The following RFX7 variants were observed in gnomAD, a reference collection of about 807,000 sequenced individuals.
RFX7 encodes DNA-binding protein RFX7.
RFX7 carries 26 observed loss-of-function variants against 111.8 expected under a neutral mutation model. That is an observed-to-expected ratio of 0.23 (90% CI 0.17 to 0.32). The LOEUF (loss-of-function observed/expected upper bound fraction) is 0.32. Among genes scored for constraint, RFX7 ranks in the 10% least tolerant of loss-of-function variants. The pLI is 1.00. For missense variants in RFX7, 1,573 were observed against 1,772.9 expected, an observed-to-expected ratio of 0.89 and a Z score of 2.02; for synonymous variants, 624 against 624.4, an observed-to-expected ratio of 1.00 and a Z score of 0.01.
At chr15:56,131,246 A>G (rs1406147549) in intron 5 of RFX7, among the ~76,000 whole-genome samples, 2 of 151,032 alleles carry the variant, frequency 1.3e-5, no homozygotes, top group East Asian at 3.9e-4. Flanking sequence ...CATTCATTCT[A>G]GAAATAAGAG....
intron 3 of RFX7, among the ~76,000 whole-genome samples, chr15:56,146,624 T>C (rs1251180012): frequency 2.6e-5 from 4 of 152,006 alleles, no homozygotes; most frequent in Admixed American, 6.6e-5. Flanking sequence ...TTCCAGAACA[T>C]AGAAGAAATT....
intron 3 of RFX7, among the ~76,000 whole-genome samples, chr15:56,159,789 A>G (rs1369031217): frequency 6.6e-6 from 1 of 152,200 alleles, no homozygotes; most frequent in Non-Finnish European, 1.5e-5. Flanking sequence ...AGAACCAGAG[A>G]GAGTTTTAAA....
At chr15:56,172,061 G>A (rs1257884334) in intron 3 of RFX7, among the ~76,000 whole-genome samples, 4 of 152,102 alleles carry the variant, frequency 2.6e-5, no homozygotes, top group Non-Finnish European at 5.9e-5. Flanking sequence ...TTTTAAAAAT[G>A]AGAATGTACC....
At chr15:56,110,481 G>A (rs1156855909) in intron 5 of RFX7, among the ~76,000 whole-genome samples, 1 of 119,786 alleles carries the variant, frequency 8.3e-6, no homozygotes, top group East Asian at 2.7e-4. Flanking sequence ...CTGCCCTGCC[G>A]CCCCTACTGG....
intron 5 of RFX7, among the ~76,000 whole-genome samples, chr15:56,109,325 G>C (rs2041876515): frequency 6.6e-6 from 1 of 152,288 alleles, no homozygotes; most frequent in Admixed American, 6.5e-5. Flanking sequence ...CGGGATTGCA[G>C]ACGGAGTCTC....
chr15:56,139,460 G>T (rs538743693), intron 5 of RFX7, among the ~76,000 whole-genome samples: 65 of 152,272 alleles, frequency 4.3e-4, no homozygotes, highest in African/African-American at 1.5e-3. Context: ...TTGGTTTTCA[G>T]CTCCATCAGC....
intron 5 of RFX7, among the ~76,000 whole-genome samples, chr15:56,128,206 T>C (rs1238977035): frequency 1.3e-5 from 2 of 152,180 alleles, no homozygotes; most frequent in East Asian, 1.9e-4. Flanking sequence ...AACTCTTTGA[T>C]AGTTTAGAAG....
intron 3 of RFX7, among the ~76,000 whole-genome samples, chr15:56,176,092 A>G (rs1439773075): frequency 6.6e-6 from 1 of 152,196 alleles, no homozygotes; most frequent in Non-Finnish European, 1.5e-5. Context: ...ACACAATGAC[A>G]AAGAATCAGA....
Position 56,091,234 on chromosome 15 carries a change from T to G in RFX7, c.*2111A>C, listed in dbSNP as rs1380774810. 1 of 152,596 alleles carries G rather than the reference T, an allele frequency of 6.6e-6. No homozygotes were observed. Among genetic ancestry groups the G allele is most frequent in the East Asian group, 1.9e-4 (1 of 5,198 alleles). 9.5% of individuals were successfully genotyped at this position (152,596 alleles called of 1,614,324 possible). On this transcript the variant is annotated 3_prime_UTR_variant, in exon 10 of 10. Transcript: ENST00000559447. ...TGCACATTGCTACATAAGACAATTTTATCTGTCACTTTGATGACATTTTGT... is the reference window on the plus strand; with the variant it reads ...TGCACATTGCTACATAAGACAATTTGATCTGTCACTTTGATGACATTTTGT...
intron 3 of RFX7, among the ~76,000 whole-genome samples, chr15:56,145,239 T>C (rs1326679438): frequency 6.6e-6 from 1 of 152,208 alleles, no homozygotes; most frequent in Non-Finnish European, 1.5e-5. Context: ...AATCCTATTA[T>C]AATAAAAATA....
chr15:56,230,448 T>C (rs1471091089), intron 2 of RFX7, among the ~76,000 whole-genome samples: 1 of 152,240 alleles, frequency 6.6e-6, no homozygotes, highest in African/African-American at 2.4e-5. Flanking sequence ...TCCTTTATTC[T>C]GTAAAGTGTA....
intron 3 of RFX7, among the ~76,000 whole-genome samples, chr15:56,159,899 G>C (rs571471460): frequency 2.0e-5 from 3 of 152,180 alleles, no homozygotes; most frequent in Non-Finnish European, 4.4e-5. Flanking sequence ...AGCCTAAATG[G>C]AGAGATCTGC....
At chr15:56,222,535 C>G (rs1204470737) in intron 2 of RFX7, among the ~76,000 whole-genome samples, 2 of 152,156 alleles carry the variant, frequency 1.3e-5, no homozygotes, top group African/African-American at 2.4e-5. Flanking sequence ...TCTTTTTCCT[C>G]TCCTTTTTTC....
chr15:56,114,069 G>A (rs1268223999), intron 5 of RFX7, among the ~76,000 whole-genome samples: 2 of 152,094 alleles, frequency 1.3e-5, no homozygotes, highest in Non-Finnish European at 2.9e-5. Context: ...AGACTCTGGA[G>A]AGAAAACTCT....
At position 56,157,837 on chromosome 15, in the gene RFX7, C is replaced by A. The variant is rs148539157; in HGVS notation, c.196-13354G>T. ...TCAATGATCTGCCCGCCTCGGCCTC[C>A]CAAATTTCTGGGATTACAGGCGTGA... On this transcript the variant is annotated intron_variant, in intron 3 of 9. Coordinates refer to ENST00000559447, the MANE Select transcript of RFX7 (RefSeq NM_022841.7). 1.8e-3 allele frequency among the ~76,000 whole-genome samples: 276 copies of A among 152,312 alleles called. 4 individuals are homozygous for A. The East Asian group carries it at 0.036, about 20-fold the overall frequency.
At chr15:56,133,973 T>C (rs1465509344) in intron 5 of RFX7, among the ~76,000 whole-genome samples, 3 of 152,298 alleles carry the variant, frequency 2.0e-5, no homozygotes, top group Non-Finnish European at 4.4e-5. Flanking sequence ...ACTAACCATA[T>C]GTAAACTAAT....
intron 2 of RFX7, among the ~76,000 whole-genome samples, chr15:56,179,566 AAC>A (rs1387943933): frequency 2.6e-5 from 4 of 152,170 alleles, no homozygotes; most frequent in African/African-American, 4.8e-5. Context: ...TTAAATTTTT[AAC>A]AGTGTATAAG....
chr15:56,242,818 C>T (rs1407869832), intron 2 of RFX7, among the ~76,000 whole-genome samples: 1 of 152,156 alleles, frequency 6.6e-6, no homozygotes, highest in Non-Finnish European at 1.5e-5. Flanking sequence ...CACCATCATG[C>T]AATATGACTT....
intron 2 of RFX7, among the ~76,000 whole-genome samples, chr15:56,235,118 G>T (rs1425926523): frequency 6.6e-6 from 1 of 151,898 alleles, no homozygotes; most frequent in Non-Finnish European, 1.5e-5. Flanking sequence ...AAGAAAAAGG[G>T]TTATGGATAG....
Sources: allele counts gnomAD v4.1 joint callset (sites outside exome capture counted in the v4.1 genomes callset), GRCh38; gene constraint gnomAD v4.1.1; transcripts MANE v1.5; gene names NCBI Gene and HGNC (gene_info 2026-07-23, HGNC 2026-07-21).